AGBL4: variants seen among roughly 807,000 people sequenced by gnomAD.
AGBL4 encodes the protein AGBL carboxypeptidase 4, also known as cytosolic carboxypeptidase 6.
In AGBL4, 58 loss-of-function variants were observed where a neutral mutation model predicts 66.4. The observed-to-expected ratio is 0.87, with a 90% CI of 0.71 to 1.09. The LOEUF (loss-of-function observed/expected upper bound fraction) is 1.09. AGBL4 is among the 50% of genes least tolerant of loss of function. The pLI is 0.00. For missense variants in AGBL4, 579 were observed against 631.0 expected (o/e 0.92, Z 0.88); for synonymous variants, 234 against 222.9 (o/e 1.05, Z -0.44).
intron 11 of AGBL4, among the ~76,000 whole-genome samples, chr1:48,540,006 A>G (rs1644038982): frequency 6.6e-6 from 1 of 152,178 alleles, no homozygotes; most frequent in African/African-American, 2.4e-5. Context: ...GAGCCAGGAT[A>G]TGAGTCTAGG....
chr1:48,901,337 T>A (rs1217686719), intron 5 of AGBL4, among the ~76,000 whole-genome samples: 1 of 152,206 alleles, frequency 6.6e-6, no homozygotes, highest in Non-Finnish European at 1.5e-5. Flanking sequence ...ATGTAAACTA[T>A]CATATGATCC....
intron 4 of AGBL4, among the ~76,000 whole-genome samples, chr1:49,196,707 G>T (rs967560838): frequency 2.7e-5 from 4 of 150,320 alleles, no homozygotes; most frequent in Non-Finnish European, 5.9e-5. Context: ...TAACTATATA[G>T]CTTCTTATTT....
intron 6 of AGBL4, among the ~76,000 whole-genome samples, chr1:48,772,284 G>A (rs916041409): frequency 1.3e-4 from 20 of 152,342 alleles, no homozygotes; most frequent in South Asian, 4.1e-4. Context: ...TCTCTTGGGC[G>A]CAGAGGGAGG....
intron 8 of AGBL4, among the ~76,000 whole-genome samples, chr1:48,636,108 C>G (rs1234382694): frequency 6.6e-6 from 1 of 152,166 alleles, no homozygotes. Context: ...AAAGTTTTCT[C>G]CACATTTCAG....
chr1:49,756,293 A>G (rs973374942), intron 2 of AGBL4, among the ~76,000 whole-genome samples: 1 of 152,126 alleles, frequency 6.6e-6, no homozygotes, highest in African/African-American at 2.4e-5. Flanking sequence ...ACCAAAAGTT[A>G]AAAGAGAAAA....
At chr1:48,930,259 C>G (rs918097407) in intron 5 of AGBL4, among the ~76,000 whole-genome samples, 1 of 152,008 alleles carries the variant, frequency 6.6e-6, no homozygotes, top group African/African-American at 2.4e-5. Context: ...CTGCTTGGCA[C>G]GCTCTGCCAT....
intron 1 of AGBL4, among the ~76,000 whole-genome samples, chr1:49,910,593 A>G (rs1244749419): frequency 6.6e-6 from 1 of 152,146 alleles, no homozygotes; most frequent in Non-Finnish European, 1.5e-5. Context: ...ACCTTGAAAG[A>G]TAAATTTTTA....
chr1:48,650,133 TCTC>T (rs1645903077), intron 8 of AGBL4, among the ~76,000 whole-genome samples: 1 of 152,152 alleles, frequency 6.6e-6, no homozygotes, highest in Admixed American at 6.5e-5. Context: ...TGTCTTTGGT[TCTC>T]CTCCCAGGGT....
chr1:49,987,413 A>C (rs1256318758), intron 1 of AGBL4, among the ~76,000 whole-genome samples: 1 of 152,080 alleles, frequency 6.6e-6, no homozygotes, highest in Non-Finnish European at 1.5e-5. Context: ...GTTTTTAACA[A>C]CTAAATGGCC....
At chr1:48,707,459 T>C (rs1432414297) in intron 6 of AGBL4, among the ~76,000 whole-genome samples, 2 of 152,186 alleles carry the variant, frequency 1.3e-5, no homozygotes, top group Non-Finnish European at 2.9e-5. Context: ...AGAGCTTCCA[T>C]TGACACTCTG....
At chr1:49,499,284 G>T (rs934359431) in intron 3 of AGBL4, among the ~76,000 whole-genome samples, 1 of 151,724 alleles carries the variant, frequency 6.6e-6, no homozygotes, top group African/African-American at 2.4e-5. Flanking sequence ...TTCTTGGTAG[G>T]TTTTATGTGT....
At chr1:49,590,942 T>C (rs1331966903) in intron 3 of AGBL4, among the ~76,000 whole-genome samples, 8 of 152,156 alleles carry the variant, frequency 5.3e-5, no homozygotes, top group Middle Eastern at 3.4e-3. Flanking sequence ...CAAGGGATAT[T>C]AGAAAATATG....
At chr1:49,992,629 C>T (rs1275183696) in intron 1 of AGBL4, among the ~76,000 whole-genome samples, 2 of 151,986 alleles carry the variant, frequency 1.3e-5, no homozygotes, top group African/African-American at 4.8e-5. Context: ...GCCTACCTTT[C>T]AATACTTTCC....
intron 3 of AGBL4, among the ~76,000 whole-genome samples, chr1:49,566,121 G>A (rs6678804): frequency 0.022 from 3,338 of 152,188 alleles, 112 homozygotes; most frequent in African/African-American, 0.075. Context: ...CATTCATCAC[G>A]TAGTTCTTGT....
At chr1:49,257,283 AC>A in intron 3 of AGBL4, 1 of 152,380 alleles carries the variant, frequency 6.6e-6, no homozygotes, top group East Asian at 1.9e-4. Flanking sequence ...GGTGGAGCCT[AC>A]AGAGGCAGGC....
At chr1:49,637,084 G>A (rs560283117) in intron 3 of AGBL4, among the ~76,000 whole-genome samples, 1 of 152,250 alleles carries the variant, frequency 6.6e-6, no homozygotes, top group East Asian at 1.9e-4. Flanking sequence ...GATGCTTCCT[G>A]CCCTTGAACA....
At chr1:49,876,152 T>C (rs1174262910) in intron 1 of AGBL4, among the ~76,000 whole-genome samples, 5 of 148,312 alleles carry the variant, frequency 3.4e-5, no homozygotes, top group African/African-American at 1.3e-4. Flanking sequence ...GCAGAAGCTC[T>C]TTAGTTTAAT....
chr1:48,688,506 T>G (rs910115583), intron 6 of AGBL4, among the ~76,000 whole-genome samples: 9 of 152,214 alleles, frequency 5.9e-5, no homozygotes, highest in African/African-American at 2.2e-4. Context: ...ACAAAGACAT[T>G]GCTGAGTGTT....
At chr1:48,877,071 G>A (rs1649302395) in intron 5 of AGBL4, among the ~76,000 whole-genome samples, 1 of 152,150 alleles carries the variant, frequency 6.6e-6, no homozygotes. Flanking sequence ...GGCCACAGAA[G>A]GAAAGGGATC....
Sources: allele counts gnomAD v4.1 joint callset (sites outside exome capture counted in the v4.1 genomes callset), GRCh38; gene constraint gnomAD v4.1.1; transcripts MANE v1.5; gene names NCBI Gene and HGNC (gene_info 2026-07-23, HGNC 2026-07-21).